The following ZFAND3 variants were observed in gnomAD, a reference collection of about 807,000 sequenced individuals.
The protein encoded by ZFAND3 is AN1-type zinc finger protein 3.
Under a neutral mutation model 29.6 loss-of-function variants are expected in ZFAND3, and 10 were observed. The ratio of observed to expected loss-of-function variants is 0.34; its 90% CI spans 0.21 to 0.57. ZFAND3 has a LOEUF of 0.57. Ranked by LOEUF, ZFAND3 falls within the 20% of genes least tolerant of loss-of-function variation. The pLI is 0.86. For synonymous variants in ZFAND3, 128 were observed against 112.6 expected (o/e 1.14, Z -0.87); for missense variants, 230 against 304.5 (o/e 0.76, Z 1.82).
At chr6:37,925,104 A>G (rs1761458703) in intron 1 of ZFAND3, among the ~76,000 whole-genome samples, 1 of 152,136 alleles carries the variant, frequency 6.6e-6, no homozygotes, top group East Asian at 1.9e-4. Context: ...TCTCCAGGTA[A>G]AAAGTTTGGA....
intron 2 of ZFAND3, among the ~76,000 whole-genome samples, chr6:37,989,819 A>C (rs1368315516): frequency 6.6e-6 from 1 of 152,204 alleles, no homozygotes; most frequent in African/African-American, 2.4e-5. Flanking sequence ...TCTGGAATCC[A>C]TCTGGATGTT....
chr6:38,090,162 C>T (rs1268649482), intron 4 of ZFAND3, among the ~76,000 whole-genome samples: 1 of 152,124 alleles, frequency 6.6e-6, no homozygotes, highest in Non-Finnish European at 1.5e-5. Flanking sequence ...AGGGAGGTAG[C>T]TTCGGGTGTG....
chr6:37,845,333 T>C (rs533556352), intron 1 of ZFAND3, among the ~76,000 whole-genome samples: 15 of 152,220 alleles, frequency 9.9e-5, no homozygotes, highest in Non-Finnish European at 1.6e-4. Context: ...ACTCACATTT[T>C]TTTTTTGTTT....
intron 2 of ZFAND3, among the ~76,000 whole-genome samples, chr6:38,057,286 G>C (rs1162610240): frequency 1.3e-5 from 2 of 152,054 alleles, no homozygotes; most frequent in Non-Finnish European, 2.9e-5. Flanking sequence ...ATATAAATCT[G>C]TTCCCCTTCA....
At chr6:38,066,308 G>T (rs1458292560) in intron 3 of ZFAND3, among the ~76,000 whole-genome samples, 1 of 152,208 alleles carries the variant, frequency 6.6e-6, no homozygotes, top group Non-Finnish European at 1.5e-5. Context: ...TAAACAGCCT[G>T]ATCCATCTAC....
chr6:38,004,447 TCCC>T, intron 2 of ZFAND3, among the ~76,000 whole-genome samples: 1 of 144,304 alleles, frequency 6.9e-6, no homozygotes. Context: ...CCTTCCCCTC[TCCC>T]CCTTCCCCTC....
At chr6:37,861,372 A>G (rs576300433) in intron 1 of ZFAND3, among the ~76,000 whole-genome samples, 9 of 152,370 alleles carry the variant, frequency 5.9e-5, no homozygotes, top group African/African-American at 1.9e-4. Context: ...AGAAAAGGAC[A>G]CTGAAGAAAT....
intron 2 of ZFAND3, among the ~76,000 whole-genome samples, chr6:37,974,400 C>CTTTTTTTT (rs1438217995): frequency 1.0e-5 from 1 of 99,802 alleles, no homozygotes; most frequent in African/African-American, 4.0e-5. Context: ...CTCTCTCTCT[C>CTTTTTTTT]TCTTTTTTTT....
At chr6:37,827,833 C>G (rs1352757612) in intron 1 of ZFAND3, among the ~76,000 whole-genome samples, 1 of 152,172 alleles carries the variant, frequency 6.6e-6, no homozygotes, top group Non-Finnish European at 1.5e-5. Context: ...GAAGAATGTC[C>G]TGGGAGAGGT....
At chr6:37,902,109 G>C (rs1255182955) in intron 1 of ZFAND3, among the ~76,000 whole-genome samples, 1 of 151,938 alleles carries the variant, frequency 6.6e-6, no homozygotes, top group East Asian at 1.9e-4. Context: ...GTAAAGGTGG[G>C]GTTAATTTGG....
chr6:37,825,872 A>G (rs1195265314), intron 1 of ZFAND3, among the ~76,000 whole-genome samples: 4 of 152,184 alleles, frequency 2.6e-5, no homozygotes, highest in African/African-American at 9.7e-5. Flanking sequence ...TTTAGAACAG[A>G]ATACTTAGAG....
At chr6:37,921,089 G>T (rs1426709759) in intron 1 of ZFAND3, among the ~76,000 whole-genome samples, 1 of 151,886 alleles carries the variant, frequency 6.6e-6, no homozygotes, top group East Asian at 1.9e-4. Context: ...CCCACTCCTC[G>T]CCGCCTTCTC....
intron 2 of ZFAND3, among the ~76,000 whole-genome samples, chr6:37,942,319 G>A (rs949114338): frequency 6.6e-6 from 1 of 151,624 alleles, no homozygotes; most frequent in Non-Finnish European, 1.5e-5. Flanking sequence ...CATAAAATGT[G>A]GTTTTACAAG....
chr6:37,931,087 T>C (rs1280310633), intron 2 of ZFAND3, among the ~76,000 whole-genome samples: 1 of 152,220 alleles, frequency 6.6e-6, no homozygotes, highest in African/African-American at 2.4e-5. Context: ...TAGCTGACAC[T>C]GTGACTGGGG....
intron 4 of ZFAND3, among the ~76,000 whole-genome samples, chr6:38,107,403 T>C (rs1765230355): frequency 6.6e-6 from 1 of 152,224 alleles, no homozygotes; most frequent in South Asian, 2.1e-4. Flanking sequence ...GAAACTGGGT[T>C]GATTACACAG....
chr6:37,827,018 G>C (rs1035177925), intron 1 of ZFAND3, among the ~76,000 whole-genome samples: 3 of 152,112 alleles, frequency 2.0e-5, no homozygotes, highest in Non-Finnish European at 4.4e-5. Flanking sequence ...TGACTGATGG[G>C]CAGCCAGAAT....
At chr6:37,965,816 C>T (rs889664720) in intron 2 of ZFAND3, among the ~76,000 whole-genome samples, 1 of 152,132 alleles carries the variant, frequency 6.6e-6, no homozygotes, top group Non-Finnish European at 1.5e-5. Context: ...GGCTGGAGTG[C>T]AATGGCATGA....
intron 5 of ZFAND3, among the ~76,000 whole-genome samples, chr6:38,138,445 C>T (rs534680131): frequency 6.6e-6 from 1 of 152,030 alleles, no homozygotes; most frequent in African/African-American, 2.4e-5. Flanking sequence ...CAGAAGTTCC[C>T]TCCAACTGCT....
chr6:37,915,961 G>T (rs910533680), intron 1 of ZFAND3, among the ~76,000 whole-genome samples: 2 of 151,812 alleles, frequency 1.3e-5, no homozygotes, highest in African/African-American at 2.4e-5. Context: ...TAGAGACAGG[G>T]TTTCACCATG....
Sources: allele counts gnomAD v4.1 joint callset (sites outside exome capture counted in the v4.1 genomes callset), GRCh38; gene constraint gnomAD v4.1.1; transcripts MANE v1.5; gene names NCBI Gene and HGNC (gene_info 2026-07-23, HGNC 2026-07-21).